The following SRSF4 variants were observed in gnomAD, a reference collection of about 807,000 sequenced individuals.
SRSF4 encodes serine and arginine rich splicing factor 4, also known as serine/arginine-rich splicing factor 4.
A neutral mutation model predicts 48.8 loss-of-function variants in SRSF4; 12 were observed. The ratio of observed to expected loss-of-function variants is 0.25; its 90% confidence interval spans 0.16 to 0.40. The LOEUF is 0.40. SRSF4 is among the 10% of genes least tolerant of loss of function. SRSF4 has a pLI of 1.00. For missense variants in SRSF4, 466 were observed against 667.1 expected (o/e 0.70, Z 3.32); for synonymous variants, 248 against 232.5 (o/e 1.07, Z -0.61).
At chr1:29,171,941 A>G (rs1672750927) in intron 1 of SRSF4, 1 of 152,170 alleles carries the variant, frequency 6.6e-6, no homozygotes, top group Non-Finnish European at 1.5e-5. Flanking sequence ...TCATACCACA[A>G]ACTGAAGGGA....
In SRSF4 at chr1:29,149,589, G is replaced by A. The variant is rs187599959; in HGVS notation, c.669-363C>T. Among the ~76,000 whole-genome samples the A allele has an allele frequency of 2.6e-5, 4 of 151,722 alleles. No individual in the cohort carries two copies. In the South Asian group the frequency reaches 8.3e-4, roughly 32 times the overall value. On this transcript the variant is annotated intron_variant, in intron 5 of 5. Coordinates refer to ENST00000373795, the MANE Select transcript of SRSF4 (RefSeq NM_005626.5). Reference sequence around the variant, plus strand: ...CGAGCTACTCAGGAGGCTGAGGCAGGAGAATCGCTTGAACCCGTGAGGCAG... The same window carrying A: ...CGAGCTACTCAGGAGGCTGAGGCAGAAGAATCGCTTGAACCCGTGAGGCAG...
rs192074183 is a variant in SRSF4 at position 29,155,201 on chromosome 1, C to T, written c.364-291G>A. 1.9e-3 allele frequency among the ~76,000 whole-genome samples: 288 copies of T among 152,092 alleles called. 5 individuals carry two copies. Among genetic ancestry groups the T allele is most frequent in the South Asian group, 8.3e-4 (4 of 4,818 alleles). On this transcript the variant is annotated intron_variant, in intron 3 of 5. Coordinates refer to ENST00000373795, the MANE Select transcript of SRSF4 (RefSeq NM_005626.5). ...ATCCCAGCACTTTGACAAGCTGAGG[C>T]GGGAGGATTGCTTGATCCCAGGAAT...
rs1672355746 is a variant in SRSF4 at position 29,148,934 on chromosome 1, T to C, written c.961A>G (p.Arg321Gly). 1.2e-6 allele frequency: 2 copies of C among 1,611,922 alleles called. No homozygotes were observed. The highest frequency in any genetic ancestry group is 1.7e-6 in the Non-Finnish European group (2 of 1,179,438). ...EEKRGSVSRG[R>G]SQEKSLRQSR... ...TGGCGGAGGCTCTTCTCCTGGCTCC[T>C]GCCCCTGCTCACACTCCCTCGCTTC... Residue 321 changes from arginine (R) to glycine (G), a missense_variant, in exon 6 of 6, where the codon AGG (arginine) becomes GGG (glycine). Physicochemically the swap from Arg to Gly is moderately radical, Grantham distance 125 (BLOSUM62 -2). Transcript: ENST00000373795.
In SRSF4 at chr1:29,154,526, A is replaced by T. The variant is rs896996033; in HGVS notation, c.578+170T>A. 1.8e-5 allele frequency: 12 copies of T among 661,602 alleles called. No homozygotes were observed. The East Asian group carries it at 3.3e-4, about 18-fold the overall frequency. The allele number at this position is 661,602 out of a possible 1,614,324, so 41.0% of individuals were successfully genotyped here. A position where few individuals can be genotyped will look rare whatever the true frequency, so the allele number is the denominator to read the frequency against. On this transcript the variant is annotated intron_variant, in intron 4 of 5. Coordinates refer to ENST00000373795, the MANE Select transcript of SRSF4 (RefSeq NM_005626.5). ...GAAGGGACTTCTATTTGTACTCATG[A>T]CCTAAGAGTTCAAGAGTTTTACAAA...
intron 1 of SRSF4, chr1:29,171,790 T>A (rs1672748832): frequency 6.6e-6 from 1 of 152,142 alleles, no homozygotes; most frequent in Non-Finnish European, 1.5e-5. Context: ...CCTGTGCCTA[T>A]CTTTTAAGAA....
At chr1:29,164,309 GAATT>G (rs1236763747) in intron 1 of SRSF4, among the ~76,000 whole-genome samples, 17 of 152,172 alleles carry the variant, frequency 1.1e-4, no homozygotes, top group South Asian at 2.1e-4. Context: ...AACTGTTCCT[GAATT>G]AATTAGTGCC....
intron 4 of SRSF4, among the ~76,000 whole-genome samples, chr1:29,152,619 G>C (rs1226014336): frequency 6.6e-6 from 1 of 152,038 alleles, no homozygotes; most frequent in Non-Finnish European, 1.5e-5. Flanking sequence ...TTTTCTGTTA[G>C]ATAGATAGGC....
At chr1:29,152,147 C>T (rs1278170230) in intron 4 of SRSF4, among the ~76,000 whole-genome samples, 1 of 152,052 alleles carries the variant, frequency 6.6e-6, no homozygotes, top group South Asian at 2.1e-4. Context: ...TGGAATACAA[C>T]CTAGATATTA....
chr1:29,159,108 ACAAACCAAACCAAAC>A (rs6143174), intron 3 of SRSF4, among the ~76,000 whole-genome samples: 4,201 of 148,524 alleles, frequency 0.028, 85 homozygotes, highest in Middle Eastern at 0.089. Context: ...TCCATCTCAA[ACAAACCAAACCAAAC>A]CAAACCAAAC....
intron 5 of SRSF4, 69 bp downstream of exon 5, chr1:29,150,034 G>T: frequency 7.6e-7 from 1 of 1,310,974 alleles, no homozygotes. Flanking sequence ...AAAAAAAAAA[G>T]AAAAAAAAGT....
At chr1:29,176,489 TAAAAAAAAA>T (rs63562760) in intron 1 of SRSF4, among the ~76,000 whole-genome samples, 1 of 137,562 alleles carries the variant, frequency 7.3e-6, no homozygotes, top group Non-Finnish European at 1.6e-5. Flanking sequence ...CTAAAAACTT[TAAAAAAAAA>T]AAAAAGAAAA....
At chr1:29,151,750 A>AT (rs1014611957) in intron 4 of SRSF4, among the ~76,000 whole-genome samples, 1 of 152,248 alleles carries the variant, frequency 6.6e-6, no homozygotes, top group African/African-American at 2.4e-5. Flanking sequence ...AACTGTGGTT[A>AT]TCCTCATTCT....
intron 1 of SRSF4, among the ~76,000 whole-genome samples, chr1:29,176,253 AAAAAAAC>A (rs897102347): frequency 4.7e-4 from 72 of 152,250 alleles, no homozygotes; most frequent in African/African-American, 1.3e-3. Context: ...CTCCATCTCA[AAAAAAAC>A]AAAAAACAAA....
At chr1:29,178,187 A>G (rs1415788186) in intron 1 of SRSF4, among the ~76,000 whole-genome samples, 10 of 151,918 alleles carry the variant, frequency 6.6e-5, no homozygotes, top group Admixed American at 6.6e-4. Flanking sequence ...GGTGTGAGCC[A>G]CCGTGACCGG....
chr1:29,158,858 ACG>A (rs1672546044), intron 3 of SRSF4, among the ~76,000 whole-genome samples: 1 of 152,110 alleles, frequency 6.6e-6, no homozygotes, highest in Non-Finnish European at 1.5e-5. Flanking sequence ...GCGGTGGCTC[ACG>A]CCTGTAATCC....
chr1:29,158,392 T>C (rs755478622), intron 3 of SRSF4, among the ~76,000 whole-genome samples: 1 of 152,090 alleles, frequency 6.6e-6, no homozygotes, highest in Non-Finnish European at 1.5e-5. Flanking sequence ...TCAACCATTT[T>C]ATTGACTGGT....
rs1471252511 is a variant in SRSF4, at chr1:29,159,473, A to G, written c.264T>C (p.Tyr88=). 3 of 1,613,306 alleles carry G rather than the reference A, an allele frequency of 1.9e-6. No individual in the cohort carries two copies. Among genetic ancestry groups the G allele is most frequent in the Admixed American group, 3.3e-5 (2 of 59,998 alleles). Residue 88 remains tyrosine (Y), a synonymous_variant, in exon 3 of 6, where the codon TAT becomes TAC. Transcript: ENST00000373795. ...SYGSGRSGYG[Y]RRSGRDKYGP... is the part of the protein sequence containing the mutation. ...CATATTTATCTCGGCCACTTCTTCT[A>G]TAACCATATCCACCTTTGGAAGGTT...
At chr1:29,156,517 G>A (rs1477110701) in intron 3 of SRSF4, among the ~76,000 whole-genome samples, 1 of 152,062 alleles carries the variant, frequency 6.6e-6, no homozygotes, top group African/African-American at 2.4e-5. Context: ...GTAGAAATTA[G>A]TATTAACCCC....
intron 1 of SRSF4, among the ~76,000 whole-genome samples, chr1:29,176,604 G>C (rs1412379307): frequency 6.6e-6 from 1 of 151,932 alleles, no homozygotes; most frequent in East Asian, 1.9e-4. Context: ...GGAGTCAAAA[G>C]AGAAAAATCC....
Sources: gnomAD v4.1 joint callset for allele counts (sites outside exome capture counted in the v4.1 genomes callset) on GRCh38, gnomAD v4.1.1 for gene constraint, MANE v1.5 for transcripts, NCBI Gene and HGNC (gene_info 2026-07-23, HGNC 2026-07-21) for gene names.